The following SYCP2 variants were observed in gnomAD, a reference collection of about 807,000 sequenced individuals.
The protein encoded by SYCP2 is synaptonemal complex lateral element protein.
A neutral mutation model predicts 211.3 loss-of-function variants in SYCP2; 55 were observed. The observed-to-expected ratio is 0.26, with a 90% CI of 0.21 to 0.33. SYCP2 has a LOEUF of 0.33. Ranked by LOEUF, SYCP2 falls within the 10% of genes least tolerant of loss-of-function variation. The pLI, the probability that SYCP2 is intolerant of heterozygous loss-of-function variation, is 1.00. For synonymous variants in SYCP2, 570 were observed against 555.2 expected (o/e 1.03, Z -0.37); for missense variants, 1,731 against 1,752.0 (o/e 0.99, Z 0.21).
At chr20:59,901,089 A>G (rs2060107421) in intron 16 of SYCP2, among the ~76,000 whole-genome samples, 2 of 152,054 alleles carry the variant, frequency 1.3e-5, no homozygotes, top group African/African-American at 4.8e-5. Context: ...TGCACTATTC[A>G]AATTTGTCAA....
At chr20:59,886,133 C>T (rs116902087) in intron 25 of SYCP2, among the ~76,000 whole-genome samples, 169 bp from the exon 26 acceptor site, 139 of 152,118 alleles carry the variant, frequency 9.1e-4, no homozygotes, top group Non-Finnish European at 1.6e-3. Flanking sequence ...CAGTAAACAG[C>T]ACTTATAATA....
Position 59,916,559 on chromosome 20 carries a change from A to G in SYCP2, c.440T>C (p.Val147Ala), listed in dbSNP as rs1357855878. The change falls in exon 8 of 45, where the codon GTA (valine) becomes GCA (alanine). Residue 147 changes from valine (V) to alanine (A), a missense_variant. Val to Ala is a moderately conservative substitution (Grantham distance 64). Around this residue, in one of 3 missense-constraint regions of SYCP2, gnomAD observed 335 missense variants for 378.8 expected, o/e 0.88. Coordinates refer to ENST00000357552, the MANE Select transcript of SYCP2 (RefSeq NM_014258.4). ...HDVSDEGKKQVVESFVPRICS... is the reference protein window; with the variant it reads ...HDVSDEGKKQAVESFVPRICS... ...AATGCGAGGTACGAAACTTTCCACTACTTGTTTTTTACCTGAATAAAAGTG... is the reference window on the plus strand; with the variant it reads ...AATGCGAGGTACGAAACTTTCCACTGCTTGTTTTTTACCTGAATAAAAGTG... 1.2e-6 allele frequency: 2 copies of G among 1,602,738 alleles called. No individual in the cohort carries two copies. The highest frequency in any genetic ancestry group is 1.1e-5 in the South Asian group (1 of 90,816).
chr20:59,886,906 A>T, intron 24 of SYCP2, 72 bp from the exon 25 acceptor site: 2 of 1,239,696 alleles, frequency 1.6e-6, no homozygotes, highest in Non-Finnish European at 2.2e-6. Flanking sequence ...GCTGAAAAAA[A>T]CTTTTAAGAT....
chr20:59,914,022 G>A lies in SYCP2; in HGVS notation c.783C>T (p.Cys261=). 1 of 1,594,658 alleles carries A rather than the reference G, an allele frequency of 6.3e-7. No individual in the cohort carries two copies. The highest frequency in any genetic ancestry group is 8.5e-7 in the Non-Finnish European group (1 of 1,170,866). ...RIKDSEFETD[C]RIFLNLVNGM... ...CATTTACAAGGTTGAGAAATATCCT[G>A]CAATCCTAATTTTAAAGAGAAATAC... Residue 261 remains cysteine (C), a synonymous_variant, in exon 12 of 45, where the codon TGC becomes TGT. Coordinates refer to ENST00000357552, the MANE Select transcript of SYCP2 (RefSeq NM_014258.4).
At chr20:59,933,096 A>G (rs76532849) in intron 1 of SYCP2, 8,648 of 152,476 alleles carry the variant, frequency 0.057, 369 homozygotes, top group African/African-American at 0.12. Context: ...TGTCCCGGAG[A>G]CAGGCGAGCA....
At position 59,865,615 on chromosome 20, in the gene SYCP2, G is replaced by A. The variant is rs777562397; in HGVS notation, c.4416C>T (p.Val1472=). 11 of 1,603,912 alleles carry A rather than the reference G, an allele frequency of 6.9e-6. No individual in the cohort carries two copies. The highest frequency in any genetic ancestry group is 5.1e-6 in the Non-Finnish European group (6 of 1,176,190). ...TTTCTTCACTATCAGTATTACAGAA[G>A]ACACTTTTAGCCAATGAAGTTTTCA... ...HLLKTSLAKS[V]FCNTDSEETV... is the part of the protein sequence containing the mutation. Residue 1472 remains valine (V), a synonymous_variant, in exon 43 of 45, where the codon GTC becomes GTT. Coordinates refer to ENST00000357552, the MANE Select transcript of SYCP2 (RefSeq NM_014258.4).
chr20:59,865,890 T>G, intron 41 of SYCP2, 25 bp from the exon 42 acceptor site: 1 of 1,070,394 alleles, frequency 9.3e-7, no homozygotes, highest in Non-Finnish European at 1.3e-6. Flanking sequence ...AAAATTTTAT[T>G]TAGTCCTAAA....
intron 2 of SYCP2, among the ~76,000 whole-genome samples, chr20:59,931,418 A>G (rs1303605301): frequency 6.6e-6 from 1 of 152,236 alleles, no homozygotes; most frequent in African/African-American, 2.4e-5. Flanking sequence ...ATAGCCATAC[A>G]TGTAGTTTTC....
intron 34 of SYCP2, 72 bp from the exon 35 acceptor site, chr20:59,874,133 CGATT>C (rs150278810): frequency 0.025 from 17,678 of 716,124 alleles, 255 homozygotes; most frequent in Middle Eastern, 0.035. Flanking sequence ...AGAAATAGCA[CGATT>C]AATTTAAATT....
intron 15 of SYCP2, among the ~76,000 whole-genome samples, chr20:59,902,556 G>A (rs1347467777): frequency 1.3e-5 from 2 of 152,084 alleles, no homozygotes; most frequent in East Asian, 1.9e-4. Context: ...CACTCTGAAG[G>A]AGCAGGATCA....
intron 4 of SYCP2, 53 bp from the exon 5 acceptor site, chr20:59,920,540 TAG>T (rs2060522207): frequency 2.2e-6 from 3 of 1,388,784 alleles, no homozygotes; most frequent in Non-Finnish European, 3.0e-6. Flanking sequence ...CAGTATGAAA[TAG>T]ACATTGTACA....
At position 59,874,081 on chromosome 20, in the gene SYCP2, A is replaced by G; in HGVS notation, c.3350-20T>C. The G allele has an allele frequency of 7.2e-7, 1 of 1,383,976 alleles. No individual in the cohort carries two copies. The allele number at this position is 1,383,976 out of a possible 1,614,324, so 85.7% of individuals were successfully genotyped here. On this transcript the variant is annotated intron_variant, in intron 34 of 44. Coordinates refer to ENST00000357552, the MANE Select transcript of SYCP2 (RefSeq NM_014258.4). ...CTATACCTATATTGCATCAAAATAAAAAAGAAAATAGATGGCAAGCGTTAT... is the reference window on the plus strand; with the variant it reads ...CTATACCTATATTGCATCAAAATAAGAAAGAAAATAGATGGCAAGCGTTAT...
chr20:59,908,106 G>A (rs571036851), intron 14 of SYCP2, among the ~76,000 whole-genome samples: 3 of 152,036 alleles, frequency 2.0e-5, no homozygotes, highest in Admixed American at 6.5e-5. Context: ...AAAATTAGCC[G>A]GGCGTGGTGG....
intron 31 of SYCP2, among the ~76,000 whole-genome samples, chr20:59,878,769 A>C (rs560233759): frequency 3.3e-5 from 5 of 152,168 alleles, no homozygotes; most frequent in African/African-American, 1.2e-4. Flanking sequence ...CACAATGTTA[A>C]TAAGATTTAC....
chr20:59,868,620 C>A, intron 37 of SYCP2, 52 bp from the exon 38 acceptor site: 1 of 1,513,522 alleles, frequency 6.6e-7, no homozygotes, highest in Non-Finnish European at 8.8e-7. Context: ...ATTAAAAATA[C>A]CTCATATTTT....
At chr20:59,899,025 G>C (rs141138836) in intron 18 of SYCP2, among the ~76,000 whole-genome samples, 1 of 152,064 alleles carries the variant, frequency 6.6e-6, no homozygotes, top group Admixed American at 6.6e-5. Context: ...AAAACTTTTG[G>C]AGTAGAAGAA....
At chr20:59,868,709 C>G in intron 37 of SYCP2, 126 bp downstream of exon 37, 1 of 1,240,456 alleles carries the variant, frequency 8.1e-7, no homozygotes, top group Non-Finnish European at 1.1e-6. Flanking sequence ...TCAATTCTAC[C>G]TAGTTTATTT....
chr20:59,886,039 C>T lies in SYCP2; in HGVS notation c.2493-75G>A, dbSNP rs573768865. ...TCATAAAAGTCATTTTAAGATAAACCATGTTTGTCACTAAATTTATATTCA... is the reference window on the plus strand; with the variant it reads ...TCATAAAAGTCATTTTAAGATAAACTATGTTTGTCACTAAATTTATATTCA... On this transcript the variant is annotated intron_variant, in intron 25 of 44. Transcript: ENST00000357552. 1.6e-4 allele frequency: 179 copies of T among 1,098,978 alleles called. 3 individuals carry two copies. In the African/African-American group the frequency reaches 2.4e-3, roughly 15 times the overall value. 68.1% of individuals were successfully genotyped at this position (1,098,978 alleles called of 1,614,324 possible).
In SYCP2 at chr20:59,880,980, T is replaced by C. The variant is rs2059667475; in HGVS notation, c.2758A>G (p.Thr920Ala). 1 of 1,482,038 alleles carries C rather than the reference T, an allele frequency of 6.7e-7. No homozygotes were observed. The highest frequency in any genetic ancestry group is 1.4e-5 in the African/African-American group (1 of 71,454). 91.8% of individuals were successfully genotyped at this position (1,482,038 alleles called of 1,614,324 possible). A position where few individuals can be genotyped will look rare whatever the true frequency, so the allele number is the denominator to read the frequency against. The change falls in exon 30 of 45, where the codon ACA becomes GCA. Residue 920 changes from threonine (T) to alanine (A), a missense_variant. Transcript: ENST00000357552. ...NHDELKSSVK[T>A]KDKKIITNHQ... ...TTATAACTTACTTTTTTATCTTTTG[T>C]TTTGACAGAAGATTTAAGTTCATCA...
Sources: allele counts gnomAD v4.1 joint callset (sites outside exome capture counted in the v4.1 genomes callset), GRCh38; gene constraint gnomAD v4.1.1; regional missense constraint gnomAD v4.1.1; transcripts MANE v1.5; gene names NCBI Gene and HGNC (gene_info 2026-07-23, HGNC 2026-07-21).